The following LRIG3 variants were observed in gnomAD, a reference collection of about 807,000 sequenced individuals.
The protein encoded by LRIG3 is leucine-rich repeats and immunoglobulin-like domains protein 3.
In LRIG3, 76 loss-of-function variants were observed where a neutral mutation model predicts 114.5. That is an observed-to-expected ratio of 0.66 (90% CI 0.55 to 0.80). The LOEUF (loss-of-function observed/expected upper bound fraction) is 0.80. Among genes scored for constraint, LRIG3 ranks in the 30% least tolerant of loss-of-function variants. LRIG3 has a pLI of 0.00. For synonymous variants in LRIG3, 512 were observed against 519.8 expected (o/e 0.98, Z 0.20); for missense variants, 1,239 against 1,382.8 (o/e 0.90, Z 1.65).
intron 3 of LRIG3, chr12:58,913,722 G>T: frequency 2.4e-6 from 1 of 416,872 alleles, no homozygotes; most frequent in South Asian, 4.0e-5. Flanking sequence ...ATGGTGTAAA[G>T]CTGGCCTCTT....
Position 58,878,124 on chromosome 12 carries a change from G to C in LRIG3, c.2084-272C>G, listed in dbSNP as rs182905694. On this transcript the variant is annotated intron_variant, in intron 14 of 18. Transcript: ENST00000320743. ...CAAAAGTCGGGAAGCTGGTAGTAGG[G>C]GGGGAGAGTGGGAAACAAAAGCTTT... Among the ~76,000 whole-genome samples the C allele has an allele frequency of 5.2e-3, 797 of 152,172 alleles. 9 individuals are homozygous for C. Among genetic ancestry groups the C allele is most frequent in the African/African-American group, 0.018 (728 of 41,526 alleles).
In LRIG3 at chr12:58,914,293, T is replaced by C. The variant is rs755564176; in HGVS notation, c.280A>G (p.Met94Val). ...NRLSFIKASS[M>V]SHLQSLREVK... is the part of the protein sequence containing the mutation. ...TCTCGAAGGCTTTGAAGGTGGCTCA[T>C]GGAACTTGCCTTGATGAAAGATAAT... Residue 94 changes from methionine to valine, a missense_variant, in exon 2 of 19, where the codon ATG becomes GTG. By Grantham distance (21) the Met-to-Val change is conservative. Coordinates refer to ENST00000320743, the MANE Select transcript of LRIG3 (RefSeq NM_153377.5). The C allele has an allele frequency of 1.2e-6, 2 of 1,614,070 alleles. No homozygotes were observed. Among genetic ancestry groups the C allele is most frequent in the South Asian group, 1.1e-5 (1 of 91,082 alleles).
rs781618385 is a variant in LRIG3, at chr12:58,883,564, A to G, written c.1272T>C (p.Ser424=). Residue 424 remains serine (S), a synonymous_variant, in exon 11 of 19, where the codon TCT becomes TCC. Coordinates refer to ENST00000320743, the MANE Select transcript of LRIG3 (RefSeq NM_153377.5). ...TTTGTGAAAATGCATTGCCTTGTAAAGACATGATTGCGTTGTCACTCAGGT... is the reference window on the plus strand; with the variant it reads ...TTTGTGAAAATGCATTGCCTTGTAAGGACATGATTGCGTTGTCACTCAGGT... The part of the protein sequence containing the change: ...HLDLSDNAIM[S]LQGNAFSQMK... The G allele has an allele frequency of 6.4e-7, 1 of 1,551,612 alleles. No individual in the cohort carries two copies. Among genetic ancestry groups the G allele is most frequent in the South Asian group, 1.2e-5 (1 of 81,696 alleles).
intron 7 of LRIG3, 93 bp from the exon 8 acceptor site, chr12:58,888,025 T>G (rs1488197145): frequency 9.1e-7 from 1 of 1,095,304 alleles, no homozygotes; most frequent in Non-Finnish European, 1.3e-6. Flanking sequence ...TGAGCTACAC[T>G]AATCCTTATT....
intron 3 of LRIG3, among the ~76,000 whole-genome samples, chr12:58,911,837 C>T (rs1872288844): frequency 6.6e-6 from 1 of 151,982 alleles, no homozygotes; most frequent in Non-Finnish European, 1.5e-5. Flanking sequence ...ACAAAACATT[C>T]GTAGATGAAA....
In LRIG3 at chr12:58,895,468, A is replaced by C. The variant is rs372293617; in HGVS notation, c.384-4672T>G. On this transcript the variant is annotated intron_variant, in intron 3 of 18. Transcript: ENST00000320743. ...CAAAGATTTGGGCAAGTGAGAGCAG[A>C]GCAAAGCTTCCCTTAGAGGAAATGA... Among the ~76,000 whole-genome samples, 20 of 152,330 alleles carry C rather than the reference A, an allele frequency of 1.3e-4. No homozygotes were observed. In the East Asian group the frequency reaches 2.3e-3, roughly 18 times the overall value.
intron 1 of LRIG3, among the ~76,000 whole-genome samples, chr12:58,919,108 A>G (rs557796829): frequency 1.3e-5 from 2 of 152,304 alleles, no homozygotes; most frequent in South Asian, 4.1e-4. Context: ...ACAAATTTTG[A>G]TTGTTTACTT....
intron 3 of LRIG3, among the ~76,000 whole-genome samples, chr12:58,902,152 C>T (rs1285788084): frequency 6.6e-6 from 1 of 152,124 alleles, no homozygotes; most frequent in African/African-American, 2.4e-5. Flanking sequence ...TTGACTACTT[C>T]CCTGAGTCTG....
chr12:58,887,714 A>G, intron 8 of LRIG3, 75 bp downstream of exon 8: 2 of 1,514,360 alleles, frequency 1.3e-6, no homozygotes, highest in Non-Finnish European at 1.8e-6. Context: ...CAACAAAGGA[A>G]ATCTGCTAGG....
intron 16 of LRIG3, among the ~76,000 whole-genome samples, chr12:58,876,141 T>TAA (rs1870908679): frequency 6.6e-6 from 1 of 152,238 alleles, no homozygotes; most frequent in Non-Finnish European, 1.5e-5. Context: ...TGTAACCAGT[T>TAA]AATATCATTT....
At chr12:58,918,995 G>A (rs1218530049) in intron 1 of LRIG3, among the ~76,000 whole-genome samples, 2 of 152,164 alleles carry the variant, frequency 1.3e-5, no homozygotes, top group African/African-American at 2.4e-5. Flanking sequence ...CACTAGAATT[G>A]TTTTAAAAAC....
chr12:58,879,221 T>C, intron 13 of LRIG3, 116 bp from the exon 14 acceptor site: 1 of 1,233,430 alleles, frequency 8.1e-7, no homozygotes, highest in Non-Finnish European at 1.1e-6. Flanking sequence ...CTGACATAGA[T>C]TGGGCAGGGG....
intron 10 of LRIG3, 52 bp from the exon 11 acceptor site, chr12:58,883,643 C>G: frequency 7.1e-7 from 1 of 1,413,566 alleles, no homozygotes; most frequent in Non-Finnish European, 9.7e-7. Flanking sequence ...TCATTTCGTG[C>G]TTTTGGACAA....
intron 12 of LRIG3, among the ~76,000 whole-genome samples, chr12:58,881,689 G>A (rs369411985): frequency 8.5e-5 from 13 of 152,254 alleles, no homozygotes; most frequent in African/African-American, 2.2e-4. Context: ...CTACCAAAGC[G>A]TACCATTTGG....
At chr12:58,912,178 A>T (rs1159770596) in intron 3 of LRIG3, among the ~76,000 whole-genome samples, 1 of 152,350 alleles carries the variant, frequency 6.6e-6, no homozygotes, top group Admixed American at 6.5e-5. Flanking sequence ...GTAGCTTTCT[A>T]ATTATAAGTT....
chr12:58,902,252 A>C (rs1212629373), intron 3 of LRIG3, among the ~76,000 whole-genome samples: 1 of 152,022 alleles, frequency 6.6e-6, no homozygotes, highest in Non-Finnish European at 1.5e-5. Flanking sequence ...TCAATTCAAA[A>C]GCATCTTATT....
intron 16 of LRIG3, 104 bp from the exon 17 acceptor site, chr12:58,874,677 A>C: frequency 2.1e-6 from 3 of 1,457,132 alleles, no homozygotes; most frequent in Non-Finnish European, 2.8e-6. Context: ...GTTTGACTAG[A>C]ACATCATATA....
At chr12:58,909,821 C>T (rs148587374) in intron 3 of LRIG3, among the ~76,000 whole-genome samples, 88 of 152,354 alleles carry the variant, frequency 5.8e-4, no homozygotes, top group African/African-American at 2.1e-3. Context: ...GTTCTACTGA[C>T]GTGACTTCAC....
At chr12:58,898,665 T>G (rs1304532571) in intron 3 of LRIG3, among the ~76,000 whole-genome samples, 1 of 149,056 alleles carries the variant, frequency 6.7e-6, no homozygotes, top group Non-Finnish European at 1.5e-5. Context: ...TTCTCCCTTG[T>G]TTTTTTTTTC....
Sources: gnomAD v4.1 joint callset for allele counts (sites outside exome capture counted in the v4.1 genomes callset) on GRCh38, gnomAD v4.1.1 for gene constraint, MANE v1.5 for transcripts, NCBI Gene and HGNC (gene_info 2026-07-23, HGNC 2026-07-21) for gene names.